The following SNX18 variants were observed in gnomAD, a reference collection of about 807,000 sequenced individuals.
SNX18 encodes the protein sorting nexin 18, also known as sorting nexin-18.
Under a neutral mutation model 48.7 loss-of-function variants are expected in SNX18, and 35 were observed. The observed-to-expected ratio is 0.72, with a 90% CI of 0.55 to 0.95. The LOEUF (loss-of-function observed/expected upper bound fraction) is 0.95. Ranked by LOEUF, SNX18 falls within the 40% of genes least tolerant of loss-of-function variation. The pLI is 0.00. For missense variants in SNX18, 824 were observed against 871.0 expected, an observed-to-expected ratio of 0.95 and a Z score of 0.68; for synonymous variants, 492 against 384.7, an observed-to-expected ratio of 1.28 and a Z score of -3.26.
chr5:54,529,465 C>T (rs913548121), intron 1 of SNX18, among the ~76,000 whole-genome samples: 14 of 152,202 alleles, frequency 9.2e-5, no homozygotes, highest in African/African-American at 3.1e-4. Context: ...CTCAATTTTC[C>T]CTCTTGACCT....
chr5:54,561,044 A>G, the SNX18 span, among the ~76,000 whole-genome samples: 3 of 152,196 alleles, frequency 2.0e-5, no homozygotes, highest in East Asian at 5.8e-4. Context: ...TTCTGTGTCC[A>G]TTTGTTTATT....
At chr5:54,598,015 A>C in the SNX18 span, among the ~76,000 whole-genome samples, 1 of 152,098 alleles carries the variant, frequency 6.6e-6, no homozygotes, top group Admixed American at 6.6e-5. Context: ...AAGAAGAAAA[A>C]AGAGAAGAAT....
At chr5:54,551,448 C>T (rs765882304), downstream of SNX18, among the ~76,000 whole-genome samples, 5 of 152,198 alleles carry the variant, frequency 3.3e-5, no homozygotes, top group Non-Finnish European at 7.3e-5. Flanking sequence ...CTCTGCACTC[C>T]GATCACTTTT....
the SNX18 span, among the ~76,000 whole-genome samples, chr5:54,616,595 C>T: frequency 4.6e-5 from 7 of 152,066 alleles, no homozygotes; most frequent in African/African-American, 1.7e-4. Flanking sequence ...TGGTGAAACC[C>T]TGTGTCTACT....
chr5:54,602,463 A>T, the SNX18 span, among the ~76,000 whole-genome samples: 1 of 152,168 alleles, frequency 6.6e-6, no homozygotes, highest in African/African-American at 2.4e-5. Flanking sequence ...AGTGTTTCTA[A>T]GTAGCAGGAA....
intron 1 of SNX18, among the ~76,000 whole-genome samples, chr5:54,523,882 C>A (rs989388340): frequency 7.9e-5 from 12 of 152,226 alleles, no homozygotes; most frequent in African/African-American, 2.4e-4. Flanking sequence ...CCTTCCCTGT[C>A]TGCTCCCCAT....
At chr5:54,646,421 C>T in the SNX18 span, among the ~76,000 whole-genome samples, 5 of 152,234 alleles carry the variant, frequency 3.3e-5, no homozygotes, top group African/African-American at 1.2e-4. Flanking sequence ...GGTCTGTCAA[C>T]TTCTCTAGCC....
rs1197271173 is a variant in SNX18, at chr5:54,519,460, T to C, written c.1508T>C (p.Ile503Thr). 2 of 1,614,020 alleles carry C rather than the reference T, an allele frequency of 1.2e-6. No individual in the cohort carries two copies. Among genetic ancestry groups the C allele is most frequent in the Non-Finnish European group, 8.5e-7 (1 of 1,180,026 alleles). The change falls in exon 1 of 2, where the codon ATT becomes ACT. Residue 503 changes from isoleucine (I) to threonine (T), a missense_variant. By Grantham distance (89) the Ile-to-Thr change is moderately conservative. Transcript: ENST00000381410. The stretch of plus-strand genomic sequence containing the variant: ...TTCACCGGAGATGCCTATGACGCCA[T>C]TGGCGAGCTCTTCGCGGAGCAGCCC... ...IAFTGDAYDA[I>T]GELFAEQPRQ...
the SNX18 span, among the ~76,000 whole-genome samples, chr5:54,590,705 A>G: frequency 2.6e-5 from 4 of 152,226 alleles, no homozygotes; most frequent in African/African-American, 7.2e-5. Flanking sequence ...CATTTTTGAA[A>G]AAAAGTATGA....
chr5:54,632,724 C>T, the SNX18 span, among the ~76,000 whole-genome samples: 1 of 152,098 alleles, frequency 6.6e-6, no homozygotes, highest in African/African-American at 2.4e-5. Flanking sequence ...TTATATTTAT[C>T]CAAGCCACAG....
intron 1 of SNX18, among the ~76,000 whole-genome samples, chr5:54,540,726 G>A (rs913941444): frequency 9.9e-5 from 15 of 152,192 alleles, no homozygotes; most frequent in African/African-American, 3.6e-4. Flanking sequence ...AGTAATTAGA[G>A]CAAGTAATAC....
the SNX18 span, among the ~76,000 whole-genome samples, chr5:54,632,027 G>C: frequency 6.6e-6 from 1 of 152,196 alleles, no homozygotes; most frequent in Non-Finnish European, 1.5e-5. Context: ...GAGTTCATCA[G>C]AGATTTCAAG....
At chr5:54,575,368 C>CTTTTTTT in the SNX18 span, among the ~76,000 whole-genome samples, 1 of 111,740 alleles carries the variant, frequency 8.9e-6, no homozygotes, top group African/African-American at 3.6e-5. Flanking sequence ...CTCCCCACTG[C>CTTTTTTT]TTTTTTTTTT....
rs186817959 is a variant in SNX18 at position 54,546,544 on chromosome 5, A to G, written c.*3112A>G. Reference sequence around the variant, plus strand: ...ATGTTATGATTAGTGCAGATCAGCCATGTTTATCTTTTTAAAAAATAAACA... The same window carrying G: ...ATGTTATGATTAGTGCAGATCAGCCGTGTTTATCTTTTTAAAAAATAAACA... On this transcript the variant is annotated 3_prime_UTR_variant, in exon 2 of 2. Coordinates refer to ENST00000381410, the MANE Select transcript of SNX18 (RefSeq NM_001102575.2). The G allele has an allele frequency of 6.6e-6, 1 of 152,328 alleles. No homozygotes were observed. Among genetic ancestry groups the G allele is most frequent in the African/African-American group, 2.4e-5 (1 of 41,588 alleles). 9.4% of individuals were successfully genotyped at this position (152,328 alleles called of 1,614,324 possible). A position where few individuals can be genotyped will look rare whatever the true frequency, so the allele number is the denominator to read the frequency against.
chr5:54,564,196 G>A, the SNX18 span, among the ~76,000 whole-genome samples: 2 of 152,028 alleles, frequency 1.3e-5, no homozygotes, highest in African/African-American at 4.8e-5. Context: ...AACCTGTGAG[G>A]CGGAGGTTGC....
chr5:54,621,074 A>G, the SNX18 span, among the ~76,000 whole-genome samples: 1 of 152,176 alleles, frequency 6.6e-6, no homozygotes, highest in Non-Finnish European at 1.5e-5. Flanking sequence ...TGCTATGAGT[A>G]TGAATTAGAG....
At chr5:54,636,946 T>TC in the SNX18 span, among the ~76,000 whole-genome samples, 1 of 152,178 alleles carries the variant, frequency 6.6e-6, no homozygotes, top group Non-Finnish European at 1.5e-5. Context: ...TCCACATGTG[T>TC]CCTCAAGTCA....
At chr5:54,582,092 C>T in the SNX18 span, among the ~76,000 whole-genome samples, 1 of 152,192 alleles carries the variant, frequency 6.6e-6, no homozygotes, top group Non-Finnish European at 1.5e-5. Flanking sequence ...AGAACAGATC[C>T]TCCCTAGAAA....
At chr5:54,595,824 A>G in the SNX18 span, among the ~76,000 whole-genome samples, 1 of 152,236 alleles carries the variant, frequency 6.6e-6, no homozygotes, top group African/African-American at 2.4e-5. Context: ...AACTCCCTTC[A>G]GAGGCTTTAG....
Sources: gnomAD v4.1 joint callset for allele counts (sites outside exome capture counted in the v4.1 genomes callset) on GRCh38, gnomAD v4.1.1 for gene constraint, MANE v1.5 for transcripts, NCBI Gene and HGNC (gene_info 2026-07-23, HGNC 2026-07-21) for gene names.